Variants in OR2C1 observed in about 807,000 individuals in gnomAD.
The protein encoded by OR2C1 is olfactory receptor 2C1.
For missense variants in OR2C1, 468 were observed against 388.3 expected (o/e 1.21, Z -1.73); for synonymous variants, 209 against 167.3 (o/e 1.25, Z -1.92).
the OR2C1 span, among the ~76,000 whole-genome samples, chr16:3,335,931 C>G: frequency 1.5e-4 from 23 of 152,260 alleles, 1 homozygote; most frequent in Non-Finnish European, 2.2e-4. Context: ...CCTAATTACT[C>G]TGGTCAGGAT....
chr16:3,325,460 A>AAAATCT, the OR2C1 span, among the ~76,000 whole-genome samples: 1 of 93,176 alleles, frequency 1.1e-5, no homozygotes, highest in African/African-American at 5.4e-5. Context: ...TATGTCTAAA[A>AAAATCT]ATATATATAT....
At chr16:3,346,272 A>G in the OR2C1 span, among the ~76,000 whole-genome samples, 1 of 152,214 alleles carries the variant, frequency 6.6e-6, no homozygotes, top group East Asian at 1.9e-4. Context: ...CAAGTGACTA[A>G]GACATGACTA....
the OR2C1 span, among the ~76,000 whole-genome samples, chr16:3,342,196 A>T: frequency 6.6e-6 from 1 of 152,120 alleles, no homozygotes; most frequent in Non-Finnish European, 1.5e-5. Flanking sequence ...AGTTGCTGTG[A>T]GCTAAGATCA....
the OR2C1 span, among the ~76,000 whole-genome samples, chr16:3,334,754 T>A: frequency 1.6e-3 from 238 of 152,092 alleles, no homozygotes; most frequent in East Asian, 7.6e-3. Flanking sequence ...GCCAGTACCA[T>A]GCTGATTTGG....
At chr16:3,336,396 C>T in the OR2C1 span, among the ~76,000 whole-genome samples, 1 of 151,948 alleles carries the variant, frequency 6.6e-6, no homozygotes, top group Non-Finnish European at 1.5e-5. Flanking sequence ...GAGTCTCGCT[C>T]TGTTGCTCAG....
At chr16:3,351,108 A>T (rs1236488340), upstream of OR2C1, among the ~76,000 whole-genome samples, 1 of 149,988 alleles carries the variant, frequency 6.7e-6, no homozygotes, top group Non-Finnish European at 1.5e-5. Flanking sequence ...AGCATACCTT[A>T]TTTTTCTCTT....
the OR2C1 span, among the ~76,000 whole-genome samples, chr16:3,343,905 T>G: frequency 2.0e-4 from 31 of 152,186 alleles, no homozygotes; most frequent in African/African-American, 7.5e-4. Context: ...TGGCAAAGTT[T>G]ATCTCGACTG....
chr16:3,357,603 G>A (rs1438188936), downstream of OR2C1, among the ~76,000 whole-genome samples: 1 of 152,118 alleles, frequency 6.6e-6, no homozygotes, highest in Non-Finnish European at 1.5e-5. Context: ...AGAATTCTTG[G>A]CCTCAAGTAA....
At chr16:3,328,504 T>C in the OR2C1 span, among the ~76,000 whole-genome samples, 9 of 152,226 alleles carry the variant, frequency 5.9e-5, no homozygotes, top group Non-Finnish European at 1.3e-4. Context: ...GGTCACTTTT[T>C]ATGTATCAGC....
At chr16:3,353,262 C>T (rs917868800), upstream of OR2C1, among the ~76,000 whole-genome samples, 6 of 150,624 alleles carry the variant, frequency 4.0e-5, no homozygotes, top group South Asian at 2.1e-4. Context: ...GAGGCTGAGG[C>T]GGGCAGATCA....
At chr16:3,335,750 CT>C in the OR2C1 span, among the ~76,000 whole-genome samples, 1 of 152,002 alleles carries the variant, frequency 6.6e-6, no homozygotes, top group Admixed American at 6.6e-5. Context: ...TGGGCTACTA[CT>C]TTTTATTTTG....
chr16:3,349,491 G>A, the OR2C1 span, among the ~76,000 whole-genome samples: 1 of 152,158 alleles, frequency 6.6e-6, no homozygotes, highest in African/African-American at 2.4e-5. Flanking sequence ...CAGGAGGAGC[G>A]CAGCACAGCC....
the OR2C1 span, among the ~76,000 whole-genome samples, chr16:3,327,817 GT>G: frequency 6.6e-6 from 1 of 151,912 alleles, no homozygotes; most frequent in African/African-American, 2.4e-5. Flanking sequence ...CCTCAGAAGA[GT>G]TTCTCATTTA....
At chr16:3,333,536 C>T in the OR2C1 span, among the ~76,000 whole-genome samples, 4 of 151,958 alleles carry the variant, frequency 2.6e-5, no homozygotes, top group Non-Finnish European at 4.4e-5. Context: ...GGGGTTTCAC[C>T]GTGTTAGCCA....
At chr16:3,357,946 A>T (rs2030710848), downstream of OR2C1, among the ~76,000 whole-genome samples, 1 of 151,820 alleles carries the variant, frequency 6.6e-6, no homozygotes, top group Non-Finnish European at 1.5e-5. Flanking sequence ...GTGCCATTGC[A>T]CTCCAGCCTG....
the OR2C1 span, among the ~76,000 whole-genome samples, chr16:3,349,072 TA>T: frequency 6.6e-6 from 1 of 152,116 alleles, no homozygotes; most frequent in South Asian, 2.1e-4. Context: ...ATGTTCAATT[TA>T]CTCCTCTGCT....
downstream of OR2C1, among the ~76,000 whole-genome samples, chr16:3,357,947 C>T (rs1247843546): frequency 6.6e-6 from 1 of 151,982 alleles, no homozygotes. Context: ...TGCCATTGCA[C>T]TCCAGCCTGG....
chr16:3,348,157 A>G, the OR2C1 span, among the ~76,000 whole-genome samples: 1 of 152,238 alleles, frequency 6.6e-6, no homozygotes, highest in Non-Finnish European at 1.5e-5. Context: ...TATCTGTCCA[A>G]ACACTAATAG....
At chr16:3,329,608 C>A in the OR2C1 span, among the ~76,000 whole-genome samples, 1 of 151,652 alleles carries the variant, frequency 6.6e-6, no homozygotes, top group African/African-American at 2.4e-5. Flanking sequence ...CGCCACCACA[C>A]CCGGCTAATT....
Sources: allele counts gnomAD v4.1 joint callset (sites outside exome capture counted in the v4.1 genomes callset), GRCh38; gene constraint gnomAD v4.1.1; transcripts MANE v1.5; gene names NCBI Gene and HGNC (gene_info 2026-07-23, HGNC 2026-07-21).